PROSER2: variants seen among roughly 807,000 people sequenced by gnomAD.
The protein encoded by PROSER2 is proline and serine rich 2.
Under a neutral mutation model 14.6 loss-of-function variants are expected in PROSER2, and 18 were observed. The observed-to-expected ratio is 1.23, with a 90% confidence interval of 0.85 to 1.83. The LOEUF (loss-of-function observed/expected upper bound fraction) is 1.83, where lower values mean the gene tolerates loss of function less well. Ranked by LOEUF, PROSER2 falls within the 40% of genes most tolerant of loss-of-function variation. PROSER2 has a pLI of 0.00. For synonymous variants in PROSER2, 367 were observed against 286.4 expected (o/e 1.28, Z -2.84); for missense variants, 823 against 629.8 (o/e 1.31, Z -3.28).
intron 2 of PROSER2, among the ~76,000 whole-genome samples, chr10:11,859,705 C>G (rs1834197597): frequency 6.6e-6 from 1 of 152,186 alleles, no homozygotes; most frequent in South Asian, 2.1e-4. Flanking sequence ...ATGCCTTGTG[C>G]TTTTGGATTT....
chr10:11,866,810 G>A lies in PROSER2; in HGVS notation c.391+27G>A. The A allele has an allele frequency of 1.3e-6, 2 of 1,597,762 alleles. No homozygotes were observed. The highest frequency in any genetic ancestry group is 1.7e-6 in the Non-Finnish European group (2 of 1,174,466). On this transcript the variant is annotated intron_variant, in intron 3 of 3. Coordinates refer to ENST00000277570, the MANE Select transcript of PROSER2 (RefSeq NM_153256.4). The surrounding 1 kb of genome is among the most constrained non-coding windows in gnomAD (Gnocchi z 6.0). ...TGAGGGGGAAGACAGGCCATCCCTG[G>A]GATGTGGTTTCCTGGTGTCTGTGAG...
At chr10:11,868,173 C>T (rs537735666) in intron 3 of PROSER2, among the ~76,000 whole-genome samples, 85 of 152,314 alleles carry the variant, frequency 5.6e-4, no homozygotes, top group Non-Finnish European at 1.1e-3. Context: ...TTGAACCAGC[C>T]GATCCTTTTA....
At chr10:11,845,246 G>C (rs1833905984) in intron 1 of PROSER2, among the ~76,000 whole-genome samples, 1 of 152,130 alleles carries the variant, frequency 6.6e-6, no homozygotes, top group Non-Finnish European at 1.5e-5. Context: ...CTATGCGGTT[G>C]CCCCCTGAGG....
At chr10:11,864,589 TTTC>T (rs1834307414) in intron 2 of PROSER2, among the ~76,000 whole-genome samples, 1 of 141,736 alleles carries the variant, frequency 7.1e-6, no homozygotes, top group African/African-American at 2.6e-5. Flanking sequence ...GAATTTTTTT[TTTC>T]TTTTTTTTTT....
intron 1 of PROSER2, among the ~76,000 whole-genome samples, chr10:11,841,148 A>G (rs903337158): frequency 6.6e-6 from 1 of 151,232 alleles, no homozygotes; most frequent in Non-Finnish European, 1.5e-5. Context: ...ATTAGTGGTT[A>G]TAAGACTTCA....
chr10:11,855,170 C>T (rs958849395), intron 2 of PROSER2, among the ~76,000 whole-genome samples: 5 of 129,076 alleles, frequency 3.9e-5, no homozygotes, highest in African/African-American at 1.1e-4. Flanking sequence ...TTTAAGCAAA[C>T]GTTATTCTTA....
Position 11,870,419 on chromosome 10 carries a change from C to G in PROSER2, c.*13C>G. 1 of 1,469,984 alleles carries G rather than the reference C, an allele frequency of 6.8e-7. No homozygotes were observed. The highest frequency in any genetic ancestry group is 9.0e-7 in the Non-Finnish European group (1 of 1,113,954). The allele number at this position is 1,469,984 out of a possible 1,614,324, so 91.1% of individuals were successfully genotyped here. A position where few individuals can be genotyped will look rare whatever the true frequency, so the allele number is the denominator to read the frequency against. Reference sequence around the variant, plus strand: ...GGAGAGTTCGTGAGGGCCGCGCGGGCTCCAGTCCACCCCGTTTCTCCCCAC... The same window carrying G: ...GGAGAGTTCGTGAGGGCCGCGCGGGGTCCAGTCCACCCCGTTTCTCCCCAC... On this transcript the variant is annotated 3_prime_UTR_variant, in exon 4 of 4. Coordinates refer to ENST00000277570, the MANE Select transcript of PROSER2 (RefSeq NM_153256.4).
At position 11,870,570 on chromosome 10, in the gene PROSER2, C is replaced by G. The variant is rs1162214973; in HGVS notation, c.*164C>G. ...GAGGTGCCTGGCTGGGGCCTCCTGG[C>G]TGAGCACGCACCGCAAGCTCCAGCC... On this transcript the variant is annotated 3_prime_UTR_variant, in exon 4 of 4. Coordinates refer to ENST00000277570, the MANE Select transcript of PROSER2 (RefSeq NM_153256.4). 3.6e-6 allele frequency: 2 copies of G among 550,326 alleles called. No homozygotes were observed. Among genetic ancestry groups the G allele is most frequent in the African/African-American group, 2.0e-5 (1 of 49,882 alleles). 34.1% of individuals were successfully genotyped at this position (550,326 alleles called of 1,614,324 possible).
At chr10:11,850,774 G>A (rs577225623) in intron 1 of PROSER2, 2 of 152,284 alleles carry the variant, frequency 1.3e-5, no homozygotes, top group East Asian at 3.9e-4. Context: ...TTCCCCTAAA[G>A]GTGTTCAATG....
chr10:11,846,971 C>G (rs1564306317), intron 1 of PROSER2, among the ~76,000 whole-genome samples: 1 of 151,784 alleles, frequency 6.6e-6, no homozygotes, highest in East Asian at 1.9e-4. Flanking sequence ...GGGCTGGTCT[C>G]AAACTCCTGG....
chr10:11,827,972 C>T (rs1384361851), intron 1 of PROSER2, among the ~76,000 whole-genome samples: 1 of 152,122 alleles, frequency 6.6e-6, no homozygotes, highest in Non-Finnish European at 1.5e-5. Context: ...GCCACCTTCT[C>T]TTTTTGATAC....
chr10:11,858,419 G>T (rs1195954920), intron 2 of PROSER2, among the ~76,000 whole-genome samples: 1 of 152,188 alleles, frequency 6.6e-6, no homozygotes, highest in African/African-American at 2.4e-5. Flanking sequence ...TTGGGCTGCT[G>T]CCCTCAGAGC....
At chr10:11,834,294 T>G (rs1412158174) in intron 1 of PROSER2, among the ~76,000 whole-genome samples, 1 of 149,362 alleles carries the variant, frequency 6.7e-6, no homozygotes, top group East Asian at 2.1e-4. Context: ...CGCCTGGCCA[T>G]GAGTAGCACT....
At chr10:11,845,198 C>G (rs1242805376) in intron 1 of PROSER2, among the ~76,000 whole-genome samples, 1 of 152,014 alleles carries the variant, frequency 6.6e-6, no homozygotes, top group Non-Finnish European at 1.5e-5. Flanking sequence ...AATGGAATTG[C>G]TAGGTGCGTG....
At chr10:11,853,947 C>CT (rs765683834) in intron 2 of PROSER2, among the ~76,000 whole-genome samples, 9 of 152,168 alleles carry the variant, frequency 5.9e-5, no homozygotes, top group African/African-American at 9.7e-5. Context: ...TGATGTCTCT[C>CT]TGTCTGTTCC....
chr10:11,827,545 ATCT>A (rs1317586103), intron 1 of PROSER2, among the ~76,000 whole-genome samples: 1 of 151,944 alleles, frequency 6.6e-6, no homozygotes, highest in Non-Finnish European at 1.5e-5. Context: ...GTCATTTTTA[ATCT>A]TCTGCCTGTT....
chr10:11,863,404 GACGTGCAC>G (rs1407374779), intron 2 of PROSER2, among the ~76,000 whole-genome samples: 6 of 152,136 alleles, frequency 3.9e-5, no homozygotes. Context: ...GCAGGGCACA[GACGTGCAC>G]CTGTAGTCCC....
intron 1 of PROSER2, among the ~76,000 whole-genome samples, chr10:11,828,060 T>C (rs1319089574): frequency 6.6e-6 from 1 of 152,084 alleles, no homozygotes; most frequent in East Asian, 1.9e-4. Flanking sequence ...TAAAGAATGG[T>C]ACTGCACTGG....
At chr10:11,857,760 A>G (rs958036498) in intron 2 of PROSER2, among the ~76,000 whole-genome samples, 11 of 150,988 alleles carry the variant, frequency 7.3e-5, no homozygotes, top group African/African-American at 2.4e-4. Flanking sequence ...AAAAAAAAAA[A>G]AAAAGAAACC....
Sources: allele counts gnomAD v4.1 joint callset (sites outside exome capture counted in the v4.1 genomes callset), GRCh38; gene constraint gnomAD v4.1.1; non-coding constraint Gnocchi (gnomAD v3.1); transcripts MANE v1.5; gene names NCBI Gene and HGNC (gene_info 2026-07-23, HGNC 2026-07-21).